The following DLG2 variants were observed in gnomAD, a reference collection of about 807,000 sequenced individuals.
DLG2 encodes the protein discs large MAGUK scaffold protein 2.
In DLG2, 45 loss-of-function variants were observed where a neutral mutation model predicts 132.5. The observed-to-expected ratio is 0.34, with a 90% CI of 0.27 to 0.44. DLG2 has a LOEUF of 0.44. DLG2 is among the 20% of genes least tolerant of loss of function. The pLI, the probability that DLG2 is intolerant of heterozygous loss-of-function variation, is 1.00. For synonymous variants in DLG2, 424 were observed against 419.6 expected, an observed-to-expected ratio of 1.01 and a Z score of -0.13; for missense variants, 1,045 against 1,196.9, an observed-to-expected ratio of 0.87 and a Z score of 1.87.
chr11:85,534,925 A>C (rs2075472336), intron 3 of DLG2, among the ~76,000 whole-genome samples: 1 of 152,228 alleles, frequency 6.6e-6, no homozygotes, highest in Non-Finnish European at 1.5e-5. Context: ...ACTGTTTTCC[A>C]CAAGGGCTAA....
At chr11:84,529,428 T>G (rs921433170) in intron 7 of DLG2, among the ~76,000 whole-genome samples, 2 of 152,140 alleles carry the variant, frequency 1.3e-5, no homozygotes, top group Admixed American at 6.5e-5. Flanking sequence ...CATGATCTGA[T>G]AAACAACTTC....
At chr11:84,008,506 G>A (rs2094694822) in intron 11 of DLG2, among the ~76,000 whole-genome samples, 1 of 151,808 alleles carries the variant, frequency 6.6e-6, no homozygotes, top group African/African-American at 2.4e-5. Flanking sequence ...TGGAAATTTG[G>A]TTTAAGAACT....
intron 7 of DLG2, among the ~76,000 whole-genome samples, chr11:84,328,638 C>G (rs191534435): frequency 1.8e-3 from 267 of 146,210 alleles, no homozygotes; most frequent in African/African-American, 6.2e-3. Context: ...CTAAATTTAT[C>G]AAACGGTTAA....
intron 7 of DLG2, among the ~76,000 whole-genome samples, chr11:84,388,107 C>T (rs562024949): frequency 4.1e-4 from 63 of 152,226 alleles, no homozygotes; most frequent in African/African-American, 1.4e-3. Context: ...ACACTGGGGA[C>T]GTATAATAAC....
chr11:84,985,861 G>A (rs11819884), intron 6 of DLG2, among the ~76,000 whole-genome samples: 5,300 of 151,584 alleles, frequency 0.035, 123 homozygotes, highest in Admixed American at 0.056. Context: ...GCATGATGGC[G>A]GGTGCCTGTA....
At chr11:84,821,421 C>T (rs559760779) in intron 6 of DLG2, among the ~76,000 whole-genome samples, 3 of 151,734 alleles carry the variant, frequency 2.0e-5, no homozygotes, top group South Asian at 4.2e-4. Context: ...AATGAATAAA[C>T]GTGACCATAT....
intron 3 of DLG2, among the ~76,000 whole-genome samples, chr11:85,355,373 T>C (rs1341024411): frequency 6.6e-6 from 1 of 152,112 alleles, no homozygotes; most frequent in African/African-American, 2.4e-5. Flanking sequence ...TCTTTATATT[T>C]TACTTTCTTT....
At position 84,174,256 on chromosome 11, in the gene DLG2, T is replaced by C. The variant is rs187452561; in HGVS notation, c.574-10745A>G. On this transcript the variant is annotated intron_variant, in intron 8 of 27. Coordinates refer to ENST00000376104, the MANE Select transcript of DLG2 (RefSeq NM_001142699.3). ...TCTTAAGAACATTGGTATAACTTCC[T>C]AAAAATACTTCTTCCCCTATTGATT... Among the ~76,000 whole-genome samples the C allele has an allele frequency of 3.3e-5, 5 of 152,178 alleles. No homozygotes were observed. In the East Asian group the frequency reaches 5.8e-4, roughly 18 times the overall value.
chr11:83,712,356 T>C (rs12283296), intron 18 of DLG2, among the ~76,000 whole-genome samples: 7,544 of 152,074 alleles, frequency 0.05, 636 homozygotes, highest in African/African-American at 0.17. Context: ...TTGCCGGGCG[T>C]GGTGGCTTAC....
At chr11:83,909,627 C>T (rs2075687833) in intron 15 of DLG2, among the ~76,000 whole-genome samples, 1 of 152,160 alleles carries the variant, frequency 6.6e-6, no homozygotes, top group South Asian at 2.1e-4. Context: ...TTCAAAATTA[C>T]TGATGTCCAT....
rs138553310 is a variant in DLG2, at chr11:83,707,824, A to G, written c.1826-74499T>C. 9.3e-4 allele frequency among the ~76,000 whole-genome samples: 141 copies of G among 152,378 alleles called. 1 individual carries two copies. Among genetic ancestry groups the G allele is most frequent in the South Asian group, 8.9e-3 (43 of 4,830 alleles). On this transcript the variant is annotated intron_variant, in intron 18 of 27. Transcript: ENST00000376104. ...TCATCTTTATATCCCAGCACCCAGC[A>G]CACATAGTTCAATGTTTGCTTGCCC...
intron 16 of DLG2, among the ~76,000 whole-genome samples, chr11:83,864,595 T>G (rs2061983131): frequency 6.6e-6 from 1 of 152,124 alleles, no homozygotes; most frequent in Non-Finnish European, 1.5e-5. Flanking sequence ...AAAAGCATAC[T>G]TCGGTGGAAT....
chr11:85,560,827 T>C (rs1230017110), intron 3 of DLG2, among the ~76,000 whole-genome samples: 1 of 150,812 alleles, frequency 6.6e-6, no homozygotes, highest in Non-Finnish European at 1.5e-5. Flanking sequence ...AGCCCAGGAG[T>C]TTGAGACTAG....
At position 85,537,962 on chromosome 11, in the gene DLG2, A is replaced by C. The variant is rs1373597545; in HGVS notation, c.40+60695T>G. On this transcript the variant is annotated intron_variant, in intron 3 of 27. Coordinates refer to ENST00000376104, the MANE Select transcript of DLG2 (RefSeq NM_001142699.3). ...AAACCCCGTCTCTACTAAAAATACA[A>C]AATATTAGCAGGGCGTGGTGGCAGG... Among the ~76,000 whole-genome samples, 3 of 151,740 alleles carry C rather than the reference A, an allele frequency of 2.0e-5. 1 individual carries two copies. Among genetic ancestry groups the C allele is most frequent in the Admixed American group, 6.6e-5 (1 of 15,252 alleles).
intron 7 of DLG2, among the ~76,000 whole-genome samples, chr11:84,261,625 T>C (rs938680872): frequency 1.3e-5 from 2 of 152,208 alleles, no homozygotes; most frequent in African/African-American, 4.8e-5. Flanking sequence ...TGATAGCTAA[T>C]TGGTTCATGT....
At chr11:83,560,600 T>C (rs750585037) in intron 19 of DLG2, among the ~76,000 whole-genome samples, 2 of 152,140 alleles carry the variant, frequency 1.3e-5, no homozygotes, top group Non-Finnish European at 2.9e-5. Context: ...AAAGGGCTGA[T>C]TAAGGAGCCA....
chr11:84,843,704 C>T (rs1202792627), intron 6 of DLG2, among the ~76,000 whole-genome samples: 1 of 151,696 alleles, frequency 6.6e-6, no homozygotes, highest in African/African-American at 2.4e-5. Context: ...GATGGTAATG[C>T]TATGGAAATA....
chr11:84,729,856 C>T (rs2062948145), intron 6 of DLG2, among the ~76,000 whole-genome samples: 1 of 151,918 alleles, frequency 6.6e-6, no homozygotes, highest in South Asian at 2.1e-4. Flanking sequence ...CCCAGCTCCC[C>T]TCCCTGCCAC....
At chr11:84,171,150 G>GA (rs1286512791) in intron 8 of DLG2, among the ~76,000 whole-genome samples, 2 of 151,930 alleles carry the variant, frequency 1.3e-5, no homozygotes, top group African/African-American at 2.4e-5. Context: ...CTCTAAAAAG[G>GA]AAAAAACGTA....
Sources: gnomAD v4.1 joint callset for allele counts (sites outside exome capture counted in the v4.1 genomes callset) on GRCh38, gnomAD v4.1.1 for gene constraint, MANE v1.5 for transcripts, NCBI Gene and HGNC (gene_info 2026-07-23, HGNC 2026-07-21) for gene names.